The following NCKAP5 variants were observed in gnomAD, a reference collection of about 807,000 sequenced individuals.
NCKAP5 encodes the protein nck-associated protein 5.
Under a neutral mutation model 167.0 loss-of-function variants are expected in NCKAP5, and 92 were observed. The observed-to-expected ratio is 0.55, with a 90% CI of 0.47 to 0.66. The LOEUF is 0.66. Ranked by LOEUF, NCKAP5 falls within the 30% of genes least tolerant of loss-of-function variation. The probability of loss-of-function intolerance (pLI) is 0.00; values close to 1 mark genes in which losing one functional copy is unlikely to be tolerated. For missense variants in NCKAP5, 2,378 were observed against 2,315.0 expected (o/e 1.03, Z -0.56); for synonymous variants, 891 against 877.4 (o/e 1.02, Z -0.27).
intron 12 of NCKAP5, among the ~76,000 whole-genome samples, chr2:132,792,037 CTGTTTTGTTT>C (rs141257195): frequency 9.9e-5 from 15 of 150,924 alleles, no homozygotes; most frequent in South Asian, 2.1e-4. Flanking sequence ...TTGAGATGCT[CTGTTTTGTTT>C]TGTTTTGTTT....
intron 5 of NCKAP5, among the ~76,000 whole-genome samples, chr2:133,133,187 C>T (rs772115089): frequency 2.6e-5 from 4 of 152,122 alleles, no homozygotes; most frequent in Non-Finnish European, 4.4e-5. Context: ...ATTTACACAA[C>T]GCCACTAGGT....
chr2:133,245,289 A>T (rs2087919976), intron 4 of NCKAP5, among the ~76,000 whole-genome samples: 1 of 152,198 alleles, frequency 6.6e-6, no homozygotes, highest in Non-Finnish European at 1.5e-5. Flanking sequence ...GCTGCCCCGT[A>T]ACTAGAATGA....
At chr2:132,985,237 C>T (rs986049007) in intron 7 of NCKAP5, among the ~76,000 whole-genome samples, 1 of 152,010 alleles carries the variant, frequency 6.6e-6, no homozygotes, top group South Asian at 2.1e-4. Context: ...TGTCTGAGCA[C>T]AGAATTTAGG....
chr2:132,722,802 A>G (rs1263976905), intron 19 of NCKAP5, among the ~76,000 whole-genome samples: 3 of 150,202 alleles, frequency 2.0e-5, no homozygotes, highest in Non-Finnish European at 4.5e-5. Flanking sequence ...AGTGAATTGT[A>G]TTATGTTTTT....
intron 3 of NCKAP5, among the ~76,000 whole-genome samples, chr2:133,369,274 T>G (rs1685649184): frequency 1.3e-5 from 2 of 152,144 alleles, no homozygotes; most frequent in African/African-American, 4.8e-5. Context: ...GGTGCAGAAC[T>G]ATCGAAGCAA....
At chr2:133,197,970 T>C (rs1023707908) in intron 5 of NCKAP5, among the ~76,000 whole-genome samples, 19 of 151,842 alleles carry the variant, frequency 1.3e-4, no homozygotes, top group African/African-American at 4.4e-4. Context: ...GAGTAAACTC[T>C]TGAAAAAGCG....
At chr2:133,383,074 T>A (rs1019840873) in intron 3 of NCKAP5, among the ~76,000 whole-genome samples, 15 of 152,190 alleles carry the variant, frequency 9.9e-5, no homozygotes, top group Non-Finnish European at 1.9e-4. Context: ...AAAAAAAATT[T>A]TTTTATTATA....
At chr2:133,670,312 C>T in the NCKAP5 span, among the ~76,000 whole-genome samples, 1 of 152,126 alleles carries the variant, frequency 6.6e-6, no homozygotes, top group Admixed American at 6.5e-5. Flanking sequence ...CCTGAATACT[C>T]CCATCCCTGA....
intron 6 of NCKAP5, among the ~76,000 whole-genome samples, chr2:133,040,267 T>C (rs942286509): frequency 1.1e-4 from 16 of 152,254 alleles, no homozygotes; most frequent in Middle Eastern, 3.4e-3. Context: ...TCTTGCGCTT[T>C]TATATTAGGT....
chr2:133,403,887 A>G (rs1688255636), intron 3 of NCKAP5, among the ~76,000 whole-genome samples: 2 of 148,118 alleles, frequency 1.4e-5, no homozygotes, highest in Admixed American at 6.8e-5. Flanking sequence ...AGTCAGGTGG[A>G]TGTGTGTGTG....
intron 5 of NCKAP5, among the ~76,000 whole-genome samples, chr2:133,205,559 T>C (rs1271977366): frequency 6.6e-6 from 1 of 152,180 alleles, no homozygotes; most frequent in Admixed American, 6.5e-5. Flanking sequence ...TGGGACACCA[T>C]ATCCTTCCAT....
rs1010376554 is a variant in NCKAP5, at chr2:132,784,299, C to A, written c.2512G>T (p.Ala838Ser). The A allele has an allele frequency of 1.9e-6, 3 of 1,613,836 alleles. No homozygotes were observed. Among genetic ancestry groups the A allele is most frequent in the Non-Finnish European group, 2.5e-6 (3 of 1,179,834 alleles). Residue 838 changes from alanine (A) to serine (S), a missense_variant, in exon 14 of 20, where the codon GCC (alanine) becomes TCC (serine). Ala to Ser is a moderately conservative substitution (Grantham distance 99). Around this residue, in one of 3 missense-constraint regions of NCKAP5, gnomAD observed 1,049 missense variants for 1,023.4 expected, o/e 1.02. Coordinates refer to ENST00000409261, the MANE Select transcript of NCKAP5 (RefSeq NM_207363.3). ...SGLVTLEKSP[A>S]LAPGKLSRFM... The stretch of plus-strand genomic sequence containing the variant: ...CGTGAGAGTTTCCCAGGAGCTAAGG[C>A]TGGTGATTTTTCAAGAGTCACCAGG...
At chr2:133,149,115 A>G (rs1046141410) in intron 5 of NCKAP5, among the ~76,000 whole-genome samples, 2 of 152,168 alleles carry the variant, frequency 1.3e-5, no homozygotes, top group African/African-American at 4.8e-5. Flanking sequence ...TCTTCATAAC[A>G]AGGCTTTATT....
At chr2:132,927,956 T>C (rs994135601) in intron 8 of NCKAP5, among the ~76,000 whole-genome samples, 4 of 152,196 alleles carry the variant, frequency 2.6e-5, no homozygotes, top group African/African-American at 4.8e-5. Context: ...TGACTCATAA[T>C]TGTTTTCCCC....
chr2:133,396,249 A>G (rs1687723243), intron 3 of NCKAP5, among the ~76,000 whole-genome samples: 1 of 152,138 alleles, frequency 6.6e-6, no homozygotes, highest in Non-Finnish European at 1.5e-5. Flanking sequence ...CAATATTGGT[A>G]AGCATAAGCA....
chr2:133,334,000 G>A (rs1428225556), intron 3 of NCKAP5: 1 of 152,192 alleles, frequency 6.6e-6, no homozygotes, highest in Non-Finnish European at 1.5e-5. Flanking sequence ...TGAGTAGAAG[G>A]CGCTGTGATA....
At chr2:133,481,497 T>C (rs191148804) in intron 3 of NCKAP5, among the ~76,000 whole-genome samples, 1 of 152,270 alleles carries the variant, frequency 6.6e-6, no homozygotes, top group Non-Finnish European at 1.5e-5. Flanking sequence ...ACTTGTGTCA[T>C]GGGGGTTTGT....
intron 3 of NCKAP5, among the ~76,000 whole-genome samples, chr2:133,461,006 A>AT (rs1692166829): frequency 6.6e-6 from 1 of 152,228 alleles, no homozygotes; most frequent in Admixed American, 6.5e-5. Flanking sequence ...TTGGAAGAGA[A>AT]TGGGCTTAAG....
At chr2:133,416,670 A>AG (rs1306424119) in intron 3 of NCKAP5, among the ~76,000 whole-genome samples, 1 of 152,006 alleles carries the variant, frequency 6.6e-6, no homozygotes, top group Non-Finnish European at 1.5e-5. Context: ...AAAAAAAAAA[A>AG]GTTAGGTTCA....
Sources: allele counts gnomAD v4.1 joint callset (sites outside exome capture counted in the v4.1 genomes callset), GRCh38; gene constraint gnomAD v4.1.1; regional missense constraint gnomAD v4.1.1; transcripts MANE v1.5; gene names NCBI Gene and HGNC (gene_info 2026-07-23, HGNC 2026-07-21).